CACNA1H: variants seen among roughly 807,000 people sequenced by gnomAD.
The protein encoded by CACNA1H is voltage-dependent T-type calcium channel subunit alpha-1H.
A neutral mutation model predicts 192.5 loss-of-function variants in CACNA1H; 149 were observed. The ratio of observed to expected loss-of-function variants is 0.77; its 90% CI spans 0.68 to 0.89. The LOEUF (loss-of-function observed/expected upper bound fraction) is 0.89, where lower values mean the gene tolerates loss of function less well. Among genes scored for constraint, CACNA1H ranks in the 40% least tolerant of loss-of-function variants. The probability of loss-of-function intolerance (pLI) is 0.00; values close to 1 mark genes in which losing one functional copy is unlikely to be tolerated. For missense variants in CACNA1H, 4,257 were observed against 3,423.5 expected, an observed-to-expected ratio of 1.24 and a Z score of -6.08; for synonymous variants, 2,202 against 1,475.2, an observed-to-expected ratio of 1.49 and a Z score of -11.29.
intron 9 of CACNA1H, among the ~76,000 whole-genome samples, chr16:1,202,779 T>C (rs867077530): frequency 3.3e-5 from 5 of 152,132 alleles, no homozygotes; most frequent in South Asian, 4.2e-4. Context: ...AGGGACCGTA[T>C]GCTTGTGTCC....
chr16:1,210,381 C>A lies in CACNA1H; in HGVS notation c.3857C>A (p.Ser1286Tyr). ...CCCCGCCCACCCAGGTTCCGCGTCT[C>A]CTGCCAGAAGGTCATCACACACAAG... Reference protein sequence around the residue: ...LFSPQNRFRVSCQKVITHKMF... With the variant: ...LFSPQNRFRVYCQKVITHKMF... Residue 1286 changes from serine to tyrosine, a missense_variant, in exon 19 of 35, where the codon TCC (serine) becomes TAC (tyrosine). Transcript: ENST00000348261. 1 of 1,379,074 alleles carries A rather than the reference C, an allele frequency of 7.3e-7. No individual in the cohort carries two copies. Among genetic ancestry groups the A allele is most frequent in the Non-Finnish European group, 9.9e-7 (1 of 1,014,182 alleles). 85.4% of individuals were successfully genotyped at this position (1,379,074 alleles called of 1,614,324 possible). A position where few individuals can be genotyped will look rare whatever the true frequency, so the allele number is the denominator to read the frequency against.
chr16:1,205,747 G>A (rs1027898983), intron 11 of CACNA1H, among the ~76,000 whole-genome samples: 1 of 152,196 alleles, frequency 6.6e-6, no homozygotes, highest in Non-Finnish European at 1.5e-5. Flanking sequence ...GGGGTGCAGG[G>A]TCTCCCATCC....
chr16:1,220,063 C>T lies in CACNA1H; in HGVS notation c.6131C>T (p.Thr2044Ile), dbSNP rs1567558436. Residue 2044 changes from threonine (T) to isoleucine (I), a missense_variant, in exon 35 of 35, where the codon ACC becomes ATC. Transcript: ENST00000348261. ...TLDPAEPGEK[T>I]PVRPVTQGGS... Reference sequence around the variant, plus strand: ...GATCCTGCAGAGCCTGGTGAGAAAACCCCGGTGAGGCCGGTGACCCAGGGG... The same window carrying T: ...GATCCTGCAGAGCCTGGTGAGAAAATCCCGGTGAGGCCGGTGACCCAGGGG... 7.0e-7 allele frequency: 1 copy of T among 1,434,690 alleles called. No homozygotes were observed. Among genetic ancestry groups the T allele is most frequent in the Non-Finnish European group, 9.1e-7 (1 of 1,095,954 alleles). The allele number at this position is 1,434,690 out of a possible 1,614,324, so 88.9% of individuals were successfully genotyped here.
Position 1,195,093 on chromosome 16 carries a change from G to A in CACNA1H, c.411+10G>A, listed in dbSNP as rs200757898. On this transcript the variant is annotated intron_variant, in intron 3 of 34. Coordinates refer to ENST00000348261, the MANE Select transcript of CACNA1H (RefSeq NM_021098.3). ...CTGCAACATCCTGGAGGTGAGGGGC[G>A]TGGGTCGGGGTGGGGAAGGAGCGTG... The A allele has an allele frequency of 5.8e-6, 9 of 1,559,040 alleles. No homozygotes were observed. The South Asian group carries it at 6.7e-5, about 12-fold the overall frequency.
At chr16:1,190,309 C>T (rs181709630) in intron 2 of CACNA1H, among the ~76,000 whole-genome samples, 1 of 152,262 alleles carries the variant, frequency 6.6e-6, no homozygotes. Context: ...TTAATTAAAA[C>T]CCAGAAAATC....
In CACNA1H at chr16:1,217,152, G is replaced by C. The variant is rs897086802; in HGVS notation, c.5323+142G>C. On this transcript the variant is annotated intron_variant, in intron 31 of 34. Coordinates refer to ENST00000348261, the MANE Select transcript of CACNA1H (RefSeq NM_021098.3). ...ACACGCCTCCTGGGCGTCCTCACCC[G>C]GCCCTGCTTCCGGAGCCTTTTCTGC... 3 of 699,042 alleles carry C rather than the reference G, an allele frequency of 4.3e-6. No individual in the cohort carries two copies. The African/African-American group carries it at 5.4e-5, about 13-fold the overall frequency. 43.3% of individuals were successfully genotyped at this position (699,042 alleles called of 1,614,324 possible).
At chr16:1,194,940 G>T (rs1455530533) in intron 2 of CACNA1H, 32 bp from the exon 3 acceptor site, 4 of 1,531,152 alleles carry the variant, frequency 2.6e-6, no homozygotes. Context: ...GTCCCGGGCC[G>T]CGCCGGTGTG....
chr16:1,164,437 C>T (rs1243907429), intron 2 of CACNA1H, among the ~76,000 whole-genome samples: 1 of 152,140 alleles, frequency 6.6e-6, no homozygotes, highest in Non-Finnish European at 1.5e-5. Flanking sequence ...GTTCAGGTGA[C>T]CCTCCTGCCT....
chr16:1,182,123 G>GGCAGGA lies in CACNA1H; in HGVS notation c.300-12843_300-12838dup, dbSNP rs1183889473. On this transcript the variant is annotated intron_variant, in intron 2 of 34. Transcript: ENST00000348261. ...TGGTGTTTCCCCGGGCTGTGGCAGG[G>GGCAGGA]GCAGGAGCAGGGTCCGTGCCTGAGA... Among the ~76,000 whole-genome samples, 14 of 152,310 alleles carry GGCAGGA rather than the reference G, an allele frequency of 9.2e-5. No individual in the cohort carries two copies. The East Asian group carries it at 1.4e-3, about 15-fold the overall frequency.
Position 1,207,845 on chromosome 16 carries a change from G to C in CACNA1H, c.3139G>C (p.Glu1047Gln). Reference protein sequence around the residue: ...HFEEDFHKLRELQTTELKMCS... With the variant: ...HFEEDFHKLRQLQTTELKMCS... The stretch of plus-strand genomic sequence containing the variant: ...CGAGGAGGACTTCCACAAGCTCAGA[G>C]AACTCCAGACCACAGGTGCGTGTGG... The change falls in exon 15 of 35, where the codon GAA (glutamate) becomes CAA (glutamine). Residue 1047 changes from glutamate (E) to glutamine (Q), a missense_variant. Physicochemically the swap from Glu to Gln is conservative, Grantham distance 29 (BLOSUM62 2). Transcript: ENST00000348261. 6.3e-7 allele frequency: 1 copy of C among 1,596,392 alleles called. No individual in the cohort carries two copies. Among genetic ancestry groups the C allele is most frequent in the Non-Finnish European group, 8.5e-7 (1 of 1,171,900 alleles).
chr16:1,207,648 C>T, intron 14 of CACNA1H, 122 bp from the exon 15 acceptor site: 3 of 977,326 alleles, frequency 3.1e-6, no homozygotes, highest in Non-Finnish European at 4.7e-6. Context: ...CTGGCAGTGA[C>T]ATCATCCTCT....
intron 11 of CACNA1H, among the ~76,000 whole-genome samples, chr16:1,205,821 G>A (rs1029609838): frequency 6.6e-6 from 1 of 152,190 alleles, no homozygotes; most frequent in East Asian, 1.9e-4. Context: ...CCCAGGATAG[G>A]AGAGCGCCCT....
chr16:1,215,194 G>C, intron 28 of CACNA1H, 48 bp from the exon 29 acceptor site: 1 of 1,583,860 alleles, frequency 6.3e-7, no homozygotes, highest in South Asian at 1.1e-5. Flanking sequence ...ACGCTGCTGA[G>C]CCGAGGCGGG....
intron 2 of CACNA1H, among the ~76,000 whole-genome samples, chr16:1,173,464 C>T (rs753916903): frequency 3.4e-4 from 52 of 152,232 alleles, no homozygotes; most frequent in Non-Finnish European, 5.3e-4. Flanking sequence ...TTCTCTCTCT[C>T]GCTATTTACT....
At chr16:1,166,630 G>A (rs1338093953) in intron 2 of CACNA1H, among the ~76,000 whole-genome samples, 4 of 152,020 alleles carry the variant, frequency 2.6e-5, no homozygotes, top group Non-Finnish European at 2.9e-5. Flanking sequence ...GGCGTCTCCC[G>A]CTGGCCTTTT....
intron 2 of CACNA1H, among the ~76,000 whole-genome samples, chr16:1,179,727 CCT>C (rs1965276361): frequency 6.8e-6 from 1 of 147,370 alleles, no homozygotes; most frequent in East Asian, 2.0e-4. Flanking sequence ...CCACGCCCGG[CCT>C]CTTTTTTTTT....
chr16:1,210,259 C>T (rs1969268788), intron 18 of CACNA1H, 111 bp from the exon 19 acceptor site: 17 of 1,245,774 alleles, frequency 1.4e-5, no homozygotes, highest in Admixed American at 8.0e-5. Flanking sequence ...CTTCTCACAC[C>T]GCAGGGACCG....
Position 1,215,344 on chromosome 16 carries a change from C to T in CACNA1H, c.5142C>T (p.Ile1714=), listed in dbSNP as rs372441185. 13 of 1,612,000 alleles carry T rather than the reference C, an allele frequency of 8.1e-6. No individual in the cohort carries two copies. In the African/African-American group the frequency reaches 1.1e-4, roughly 13 times the overall value. Residue 1714 remains isoleucine, a synonymous_variant, in exon 29 of 35, where the codon ATC becomes ATT. Coordinates refer to ENST00000348261, the MANE Select transcript of CACNA1H (RefSeq NM_021098.3). The part of the protein sequence containing the change: ...SAALPINPTI[I]RIMRVLRIAR... ...CGCTGCCCATCAACCCCACCATCAT[C>T]CGCATCATGCGCGTGCTTCGCATTG...
chr16:1,201,483 C>G (rs746120484), intron 8 of CACNA1H, among the ~76,000 whole-genome samples, 180 bp from the exon 9 acceptor site: 1 of 152,162 alleles, frequency 6.6e-6, no homozygotes, highest in East Asian at 1.9e-4. Flanking sequence ...TACTGTATGC[C>G]GTCTGCTCCA....
Sources: gnomAD v4.1 joint callset for allele counts (sites outside exome capture counted in the v4.1 genomes callset) on GRCh38, gnomAD v4.1.1 for gene constraint, MANE v1.5 for transcripts, NCBI Gene and HGNC (gene_info 2026-07-23, HGNC 2026-07-21) for gene names.